Variants in PCDHA7 observed in about 807,000 individuals in gnomAD.
PCDHA7 encodes the protein protocadherin alpha 7.
Under a neutral mutation model 57.2 loss-of-function variants are expected in PCDHA7, and 37 were observed. The observed-to-expected ratio is 0.65, with a 90% CI of 0.50 to 0.85. PCDHA7 has a LOEUF of 0.85. PCDHA7 is among the 40% of genes least tolerant of loss of function. PCDHA7 has a pLI of 0.00. For missense variants in PCDHA7, 1,188 were observed against 1,241.8 expected (o/e 0.96, Z 0.65); for synonymous variants, 553 against 558.8 (o/e 0.99, Z 0.15).
intron 1 of PCDHA7, chr5:140,853,539 T>A: frequency 1.0e-6 from 1 of 979,080 alleles, no homozygotes; most frequent in South Asian, 4.8e-5. Context: ...TCTTTTCAAG[T>A]TGTAATTACT....
At chr5:141,008,863 C>A (rs902385521) in intron 3 of PCDHA7, among the ~76,000 whole-genome samples, 2 of 152,204 alleles carry the variant, frequency 1.3e-5, no homozygotes, top group African/African-American at 2.4e-5. Flanking sequence ...CTCTTCCATG[C>A]TGCATCCCAC....
At position 140,841,557 on chromosome 5, in the gene PCDHA7, T is replaced by A. The variant is rs2150318209; in HGVS notation, c.2355+4819T>A. On this transcript the variant is annotated intron_variant, in intron 1 of 3. Coordinates refer to ENST00000525929, the MANE Select transcript of PCDHA7 (RefSeq NM_018910.3). The stretch of plus-strand genomic sequence containing the variant: ...CACCGGGACCTTCTGGAGGTAAGTC[T>A]GCAGAATGGCATTTTGTTTGTGAAT... The A allele has an allele frequency of 2.5e-6, 4 of 1,613,864 alleles. No individual in the cohort carries two copies. The East Asian group carries it at 8.9e-5, about 36-fold the overall frequency.
chr5:140,919,120 C>G (rs1554198933), intron 1 of PCDHA7, among the ~76,000 whole-genome samples: 2 of 152,008 alleles, frequency 1.3e-5, no homozygotes, highest in African/African-American at 4.8e-5. Context: ...CCAGTTTTTG[C>G]TTCATGTGTT....
intron 1 of PCDHA7, chr5:140,843,190 C>G (rs2150354954): frequency 1.3e-6 from 2 of 1,595,984 alleles, no homozygotes; most frequent in South Asian, 1.1e-5. Context: ...TCCCGTTCCG[C>G]GTGGGGCTGT....
intron 1 of PCDHA7, chr5:140,870,040 A>G: frequency 1.2e-6 from 2 of 1,613,768 alleles, no homozygotes; most frequent in Non-Finnish European, 1.7e-6. Flanking sequence ...TGAAGAAAAC[A>G]AGTTTTATAA....
chr5:141,009,539 C>G lies in PCDHA7; in HGVS notation c.2504-88C>G, dbSNP rs141154047. 10,440 of 1,522,742 alleles carry G rather than the reference C, an allele frequency of 6.9e-3. 51 individuals are homozygous for G. Among genetic ancestry groups the G allele is most frequent in the Admixed American group, 0.011 (516 of 46,760 alleles). 94.3% of individuals were successfully genotyped at this position (1,522,742 alleles called of 1,614,324 possible). A position where few individuals can be genotyped will look rare whatever the true frequency, so the allele number is the denominator to read the frequency against. ...ATTTTTCTGGGGAGGTTCAGCCTGC[C>G]TATGCAGTACTCCTGTACTCTACCA... On this transcript the variant is annotated intron_variant, in intron 3 of 3. Transcript: ENST00000525929.
At chr5:140,945,954 A>G (rs187878503) in intron 1 of PCDHA7, among the ~76,000 whole-genome samples, 130 of 152,264 alleles carry the variant, frequency 8.5e-4, no homozygotes, top group Non-Finnish European at 1.6e-3. Flanking sequence ...ATGACCCTGA[A>G]AGCACAGGCA....
chr5:140,966,813 T>C (rs2096057002), intron 1 of PCDHA7: 2 of 1,551,874 alleles, frequency 1.3e-6, no homozygotes, highest in Non-Finnish European at 8.7e-7. Context: ...CATCCACGGC[T>C]CCGGCGGCCC....
intron 1 of PCDHA7, among the ~76,000 whole-genome samples, chr5:140,939,255 A>T (rs1032457788): frequency 2.6e-5 from 4 of 152,060 alleles, no homozygotes; most frequent in Non-Finnish European, 4.4e-5. Context: ...GCTCTCTGGA[A>T]CCTCTTTTAT....
chr5:140,937,219 T>C lies in PCDHA7; in HGVS notation c.2356-41730T>C, dbSNP rs555881657. Among the ~76,000 whole-genome samples the C allele has an allele frequency of 5.4e-3, 826 of 151,832 alleles. 4 individuals are homozygous for C. Among genetic ancestry groups the C allele is most frequent in the African/African-American group, 0.019 (796 of 41,458 alleles). ...TGCCCGGCTAATTTTTTGTATTTTT[T>C]GTAGAGACGGGGTTTCACCGTGTTA... On this transcript the variant is annotated intron_variant, in intron 1 of 3. Coordinates refer to ENST00000525929, the MANE Select transcript of PCDHA7 (RefSeq NM_018910.3).
chr5:140,959,835 C>T (rs1554224346), intron 1 of PCDHA7, among the ~76,000 whole-genome samples: 2 of 152,042 alleles, frequency 1.3e-5, no homozygotes, highest in East Asian at 1.9e-4. Flanking sequence ...ATGTATTATG[C>T]CTGTAACTGC....
At chr5:140,958,746 G>A (rs946339571) in intron 1 of PCDHA7, among the ~76,000 whole-genome samples, 3 of 152,184 alleles carry the variant, frequency 2.0e-5, no homozygotes, top group African/African-American at 7.2e-5. Context: ...AGAGAGAAAG[G>A]AGATTTTTAC....
At chr5:140,983,228 A>T (rs1012242202) in intron 3 of PCDHA7, among the ~76,000 whole-genome samples, 4 of 152,240 alleles carry the variant, frequency 2.6e-5, no homozygotes, top group Non-Finnish European at 4.4e-5. Context: ...CCAAACTTTC[A>T]GGAAAGAGAA....
chr5:140,835,595 C>G lies in PCDHA7; in HGVS notation c.1212C>G (p.Tyr404Ter), dbSNP rs1241128064. 25 of 1,613,818 alleles carry G rather than the reference C, an allele frequency of 1.5e-5. No individual in the cohort carries two copies. Among genetic ancestry groups the G allele is most frequent in the Admixed American group, 5.0e-5 (3 of 59,992 alleles). The change falls in exon 1 of 4, where the codon TAC (tyrosine) becomes TAG (stop). Residue 404 changes from tyrosine to a stop codon, truncating the protein, a stop_gained. Coordinates refer to ENST00000525929, the MANE Select transcript of PCDHA7 (RefSeq NM_018910.3). LOFTEE classifies it high-confidence loss of function. ...AGTTGGTGTCCACCTTCAAGAATTA[C>G]TATTCATTGGTGCTGGACAGCGCTC... ...PFKLVSTFKNYYSLVLDSALD... is the reference protein window; with the variant it reads ...PFKLVSTFKN
At chr5:140,926,785 G>A in intron 1 of PCDHA7, 1 of 1,417,966 alleles carries the variant, frequency 7.1e-7, no homozygotes. Context: ...GTGACGGCCG[G>A]CAGGAGCGTG....
intron 1 of PCDHA7, among the ~76,000 whole-genome samples, chr5:140,919,973 A>T (rs1554199334): frequency 7.5e-6 from 1 of 133,994 alleles, no homozygotes; most frequent in Non-Finnish European, 1.7e-5. Context: ...TAAATAAGAG[A>T]TAGAAGATGG....
At chr5:140,876,133 GAACT>G (rs782651538) in intron 1 of PCDHA7, 8 of 1,613,820 alleles carry the variant, frequency 5.0e-6, no homozygotes, top group East Asian at 2.2e-5. Flanking sequence ...CGGTAAACCA[GAACT>G]AACAGGGTCT....
chr5:140,837,423 A>T (rs1278858635), intron 1 of PCDHA7, among the ~76,000 whole-genome samples: 3 of 151,962 alleles, frequency 2.0e-5, no homozygotes, highest in African/African-American at 7.3e-5. Flanking sequence ...TCAAAATTTC[A>T]AAGAGTGAAA....
rs782325875 is a variant in PCDHA7, at chr5:140,979,026, A to T, written c.2414+19A>T. The T allele has an allele frequency of 6.2e-7, 1 of 1,613,490 alleles. No homozygotes were observed. The highest frequency in any genetic ancestry group is 1.1e-5 in the South Asian group (1 of 90,898). On this transcript the variant is annotated intron_variant, in intron 2 of 3. Transcript: ENST00000525929. ...TGCACAGGTATGTATTTCCCTCCTC[A>T]TTCACTCAGAAGTAACCTTAACTTG...
Sources: allele counts gnomAD v4.1 joint callset (sites outside exome capture counted in the v4.1 genomes callset), GRCh38; gene constraint gnomAD v4.1.1; transcripts MANE v1.5; gene names NCBI Gene and HGNC (gene_info 2026-07-23, HGNC 2026-07-21).